The following PRKCSH variants were observed in gnomAD, a reference collection of about 807,000 sequenced individuals.
PRKCSH encodes PRKCSH beta subunit of glucosidase II.
A neutral mutation model predicts 79.7 loss-of-function variants in PRKCSH; 42 were observed. The ratio of observed to expected loss-of-function variants is 0.53; its 90% CI spans 0.41 to 0.68. PRKCSH has a LOEUF of 0.68. Ranked by LOEUF, PRKCSH falls within the 30% of genes least tolerant of loss-of-function variation. PRKCSH has a pLI of 0.00. For synonymous variants in PRKCSH, 325 were observed against 288.2 expected (o/e 1.13, Z -1.29); for missense variants, 686 against 709.0 (o/e 0.97, Z 0.37).
At position 11,443,463 on chromosome 19, in the gene PRKCSH, T is replaced by C. The variant is rs112512602; in HGVS notation, c.598+948T>C. Among the ~76,000 whole-genome samples, 71 of 151,770 alleles carry C rather than the reference T, an allele frequency of 4.7e-4. 1 individual carries two copies. The highest frequency in any genetic ancestry group is 1.6e-3 in the African/African-American group (65 of 41,390). On this transcript the variant is annotated intron_variant, in intron 7 of 17. Transcript: ENST00000677123. ...GGGAGGCTAAGGCAGGAGAATTGCT[T>C]GAACCAGGAAGTTGGAGGTTTTCAG...
Position 11,447,514 on chromosome 19 carries a change from T to C in PRKCSH, c.925T>C (p.Ser309Pro), listed in dbSNP as rs755271433. Residue 309 changes from serine (S) to proline (P), a missense_variant, in exon 11 of 18, where the codon TCG becomes CCG. Physicochemically the swap from Ser to Pro is moderately conservative, Grantham distance 74. This residue lies in a region of PRKCSH where 549 missense variants were observed against 520.2 expected (regional missense o/e 1.06). Transcript: ENST00000677123. This position sits in a 1 kb window ranked among gnomAD's most constrained non-coding sequence, Gnocchi z 5.6. ...EPKEEQPPVPSSPTEEEEEEE... is the reference protein window; with the variant it reads ...EPKEEQPPVPPSPTEEEEEEE... Reference sequence around the variant, plus strand: ...CAAGGAGGAGCAGCCGCCAGTGCCCTCGTCGCCCACAGAGGAGGAGGAGGA... The same window carrying C: ...CAAGGAGGAGCAGCCGCCAGTGCCCCCGTCGCCCACAGAGGAGGAGGAGGA... The C allele has an allele frequency of 1.2e-6, 2 of 1,611,348 alleles. No individual in the cohort carries two copies. Among genetic ancestry groups the C allele is most frequent in the Non-Finnish European group, 1.7e-6 (2 of 1,179,352 alleles).
chr19:11,440,532 C>T (rs1253713861), intron 5 of PRKCSH, among the ~76,000 whole-genome samples: 1 of 151,502 alleles, frequency 6.6e-6, no homozygotes, highest in Non-Finnish European at 1.5e-5. Flanking sequence ...CCCCAACCTC[C>T]ACATCCGGGT....
intron 5 of PRKCSH, 95 bp from the exon 6 acceptor site, chr19:11,441,144 TG>T (rs1482279212): frequency 3.3e-6 from 4 of 1,205,406 alleles, no homozygotes; most frequent in African/African-American, 3.0e-5. Context: ...CATGGCTTGG[TG>T]GGGGGCCACA....
intron 7 of PRKCSH, among the ~76,000 whole-genome samples, chr19:11,445,161 T>G (rs1970235955): frequency 6.6e-6 from 1 of 151,928 alleles, no homozygotes; most frequent in Admixed American, 6.6e-5. Context: ...ACTCCCCACC[T>G]TGTCCCGGTC....
intron 5 of PRKCSH, among the ~76,000 whole-genome samples, chr19:11,440,461 T>G (rs182904282): frequency 6.9e-6 from 1 of 144,412 alleles, no homozygotes; most frequent in East Asian, 2.1e-4. Context: ...CCACACTTTT[T>G]TTTGAGTTAG....
At position 11,439,941 on chromosome 19, in the gene PRKCSH, C is replaced by T. The variant is rs190659577; in HGVS notation, c.351-1299C>T. Among the ~76,000 whole-genome samples the T allele has an allele frequency of 1.5e-4, 23 of 150,346 alleles. 1 individual carries two copies. The highest frequency in any genetic ancestry group is 1.3e-3 in the Admixed American group (19 of 15,104). ...GCTGAAAATTTGTTAAAAAATTAGC[C>T]GGGTGTGTTGGTGCGTGTCTGTAGT... is the stretch of plus-strand genomic sequence containing the variant. On this transcript the variant is annotated intron_variant, in intron 5 of 17. Coordinates refer to ENST00000677123, the MANE Select transcript of PRKCSH (RefSeq NM_001289104.2).
In PRKCSH at chr19:11,447,696, G is replaced by T. The variant is rs1165440440; in HGVS notation, c.1033G>T (p.Ala345Ser). The T allele has an allele frequency of 3.8e-6, 6 of 1,568,846 alleles. No homozygotes were observed. The Admixed American group carries it at 7.2e-5, about 19-fold the overall frequency. The stretch of plus-strand genomic sequence containing the variant: ...ACTGACCCTGCCCCTGCCCCAGGAG[G>T]CCCCACCGCCACTGTCACCCCCGCA... ...SEVQGEQPKE[A>S]PPPLSPPQPA... The change falls in exon 12 of 18, where the codon GCC becomes TCC. Residue 345 changes from alanine to serine, a missense_variant. Coordinates refer to ENST00000677123, the MANE Select transcript of PRKCSH (RefSeq NM_001289104.2). This position sits in a 1 kb window ranked among gnomAD's most constrained non-coding sequence, Gnocchi z 5.6.
chr19:11,441,344 G>C lies in PRKCSH; in HGVS notation c.455G>C (p.Arg152Pro). The change falls in exon 6 of 18, where the codon CGG becomes CCG. Residue 152 changes from arginine to proline, a missense_variant. Physicochemically the swap from Arg to Pro is moderately radical, Grantham distance 103. Around this residue, in one of 2 missense-constraint regions of PRKCSH, gnomAD observed 549 missense variants for 520.2 expected, o/e 1.06. Coordinates refer to ENST00000677123, the MANE Select transcript of PRKCSH (RefSeq NM_001289104.2). ...KILIEDWKKA[R>P]EEKQKKLIEL... ...CTTATTGAGGACTGGAAGAAGGCAC[G>C]GGAGGAGAAGCAGGTAAGGAACCCG... is the stretch of plus-strand genomic sequence containing the variant. 6.2e-7 allele frequency: 1 copy of C among 1,613,882 alleles called. No homozygotes were observed. The highest frequency in any genetic ancestry group is 8.5e-7 in the Non-Finnish European group (1 of 1,179,856).
chr19:11,441,551 C>T (rs1362917093), intron 6 of PRKCSH, among the ~76,000 whole-genome samples, 194 bp downstream of exon 6: 1 of 152,156 alleles, frequency 6.6e-6, no homozygotes, highest in Non-Finnish European at 1.5e-5. Flanking sequence ...GAGGGGGAGG[C>T]TGTCAGCTTA....
chr19:11,436,405 T>G lies in PRKCSH; in HGVS notation c.96T>G (p.Asp32Glu), dbSNP rs778138658. 1.9e-5 allele frequency: 31 copies of G among 1,614,078 alleles called. No homozygotes were observed. Among genetic ancestry groups the G allele is most frequent in the Non-Finnish European group, 2.5e-5 (30 of 1,180,024 alleles). The stretch of plus-strand genomic sequence containing the variant: ...ACCCCGCAGATCATCACTTCTACGA[T>G]GAGTCCAAGCCTTTCACCTGCCTGG... ...GVSLTNHHFY[D>E]ESKPFTCLDG... Residue 32 changes from aspartate to glutamate, a missense_variant, in exon 3 of 18, where the codon GAT (aspartate) becomes GAG (glutamate). By Grantham distance (45) the Asp-to-Glu change is conservative. Coordinates refer to ENST00000677123, the MANE Select transcript of PRKCSH (RefSeq NM_001289104.2).
At position 11,446,926 on chromosome 19, in the gene PRKCSH, G is replaced by C. The variant is rs575885562; in HGVS notation, c.763-148G>C. 639 of 793,740 alleles carry C rather than the reference G, an allele frequency of 8.1e-4. 6 individuals carry two copies. In the South Asian group the frequency reaches 8.6e-3, roughly 11 times the overall value. 49.2% of individuals were successfully genotyped at this position (793,740 alleles called of 1,614,324 possible). A position where few individuals can be genotyped will look rare whatever the true frequency, so the allele number is the denominator to read the frequency against. Reference sequence around the variant, plus strand: ...GGGCCTGTGCTGCCCCCTCCTGGCCGCAGTGCCTCACTGGCGTGGCCCTGG... The same window carrying C: ...GGGCCTGTGCTGCCCCCTCCTGGCCCCAGTGCCTCACTGGCGTGGCCCTGG... On this transcript the variant is annotated intron_variant, in intron 9 of 17. Transcript: ENST00000677123.
Position 11,442,376 on chromosome 19 carries a change from G to A in PRKCSH, c.469-10G>A, listed in dbSNP as rs188022793. The A allele has an allele frequency of 5.8e-4, 918 of 1,587,356 alleles. 8 individuals are homozygous for A. In the African/African-American group the frequency reaches 0.011, roughly 19 times the overall value. The stretch of plus-strand genomic sequence containing the variant: ...GAGGAGAGCTGGTCTCTTGCCTTCT[G>A]CCCACCCAGAAAAAGCTCATTGAGC... On this transcript the variant is annotated splice_polypyrimidine_tract_variant and intron_variant, in intron 6 of 17. Coordinates refer to ENST00000677123, the MANE Select transcript of PRKCSH (RefSeq NM_001289104.2).
chr19:11,446,489 C>A, intron 9 of PRKCSH, 139 bp downstream of exon 9: 2 of 1,033,302 alleles, frequency 1.9e-6, no homozygotes, highest in Non-Finnish European at 2.9e-6. Flanking sequence ...GGCAGCCACT[C>A]AGGGCCGCTT....
At position 11,447,382 on chromosome 19, in the gene PRKCSH, C is replaced by T; in HGVS notation, c.850-57C>T. On this transcript the variant is annotated intron_variant, in intron 10 of 17. Coordinates refer to ENST00000677123, the MANE Select transcript of PRKCSH (RefSeq NM_001289104.2). This position sits in a 1 kb window ranked among gnomAD's most constrained non-coding sequence, Gnocchi z 5.6. Reference sequence around the variant, plus strand: ...CTGCCCCTTGGGCTGTGGTGTGAGCCTGAGGGTGTGGGTGGACCCTGAGTC... The same window carrying T: ...CTGCCCCTTGGGCTGTGGTGTGAGCTTGAGGGTGTGGGTGGACCCTGAGTC... 3 of 1,576,972 alleles carry T rather than the reference C, an allele frequency of 1.9e-6. No homozygotes were observed. The highest frequency in any genetic ancestry group is 1.7e-4 in the Middle Eastern group (1 of 5,908).
chr19:11,436,744 C>G, intron 3 of PRKCSH: 1 of 509,320 alleles, frequency 2.0e-6, no homozygotes, highest in Non-Finnish European at 3.6e-6. Flanking sequence ...AGTTGAATCC[C>G]GAAGGTGCTG....
intron 3 of PRKCSH, 149 bp downstream of exon 3, chr19:11,436,654 C>G (rs149472825): frequency 3.7e-5 from 27 of 733,422 alleles, no homozygotes; most frequent in African/African-American, 3.7e-4. Context: ...GTTATGGCCC[C>G]GGGCAGCTGG....
rs756149512 is a variant in PRKCSH at position 11,449,000 on chromosome 19, G to A, written c.1361+12G>A. On this transcript the variant is annotated intron_variant, in intron 15 of 17. Coordinates refer to ENST00000677123, the MANE Select transcript of PRKCSH (RefSeq NM_001289104.2). This position sits in a 1 kb window ranked among gnomAD's most constrained non-coding sequence, Gnocchi z 4.4. ...CCCACCAGCCTTGGGTGAGTGGCTT[G>A]GGCTGGCCCCTTCCCTCTGCCTCCT... is the stretch of plus-strand genomic sequence containing the variant. 1 of 1,609,658 alleles carries A rather than the reference G, an allele frequency of 6.2e-7. No individual in the cohort carries two copies. Among genetic ancestry groups the A allele is most frequent in the Non-Finnish European group, 8.5e-7 (1 of 1,178,950 alleles).
At chr19:11,441,112 G>A in intron 5 of PRKCSH, 128 bp from the exon 6 acceptor site, 1 of 902,684 alleles carries the variant, frequency 1.1e-6, no homozygotes, top group Non-Finnish European at 1.9e-6. Context: ...CTGGGAGGAA[G>A]GCTTGCTCTC....
chr19:11,441,717 A>G (rs1970071105), intron 6 of PRKCSH, among the ~76,000 whole-genome samples: 1 of 152,164 alleles, frequency 6.6e-6, no homozygotes, highest in South Asian at 2.1e-4. Context: ...TTCTGATGTT[A>G]GAAAGATAAC....
Sources: allele counts gnomAD v4.1 joint callset (sites outside exome capture counted in the v4.1 genomes callset), GRCh38; gene constraint gnomAD v4.1.1; regional missense constraint gnomAD v4.1.1; non-coding constraint Gnocchi (gnomAD v3.1); transcripts MANE v1.5; gene names NCBI Gene and HGNC (gene_info 2026-07-23, HGNC 2026-07-21).